SYNE1: variants seen among roughly 807,000 people sequenced by gnomAD.
The protein encoded by SYNE1 is spectrin repeat containing nuclear envelope protein 1.
Under a neutral mutation model 1,111.0 loss-of-function variants are expected in SYNE1, and 616 were observed. The observed-to-expected ratio is 0.55, with a 90% CI of 0.52 to 0.59. The LOEUF (loss-of-function observed/expected upper bound fraction) is 0.59. SYNE1 is among the 20% of genes least tolerant of loss of function. The pLI is 0.00. For missense variants in SYNE1, 10,006 were observed against 10,417.0 expected (o/e 0.96, Z 1.72); for synonymous variants, 3,855 against 3,825.8 (o/e 1.01, Z -0.28).
chr6:152,480,990 A>C (rs1156543369), intron 14 of SYNE1, among the ~76,000 whole-genome samples: 19 of 152,114 alleles, frequency 1.2e-4, no homozygotes, highest in Admixed American at 1.2e-3. Flanking sequence ...AGGGAGCTAG[A>C]AGGGCTCATG....
intron 121 of SYNE1, 38 bp downstream of exon 121, chr6:152,218,219 T>C (rs766105765): frequency 3.1e-6 from 5 of 1,612,112 alleles, no homozygotes; most frequent in Non-Finnish European, 4.2e-6. Context: ...TGAAGACAGA[T>C]GGTAAAAGAT....
Position 152,354,961 on chromosome 6 carries a change from A to G in SYNE1, c.10624T>C (p.Cys3542Arg), listed in dbSNP as rs751032216. ...LRDLQELQVH[C>R]AEGQALLNSV... ...TTCAACAGGGCCTGCCCCTCTGCAC[A>G]GTGTACCTGTAGCTCCTGCAGAGAA... Residue 3542 changes from cysteine (C) to arginine (R), a missense_variant, in exon 67 of 146, where the codon TGT (cysteine) becomes CGT (arginine). By Grantham distance (180) the Cys-to-Arg change is radical. Transcript: ENST00000367255. 15 of 1,614,036 alleles carry G rather than the reference A, an allele frequency of 9.3e-6. No homozygotes were observed. In the South Asian group the frequency reaches 1.1e-4, roughly 12 times the overall value.
intron 22 of SYNE1, among the ~76,000 whole-genome samples, chr6:152,458,185 C>A (rs214964): frequency 0.52 from 79,602 of 151,924 alleles, 22,741 homozygotes; most frequent in East Asian, 0.76. Context: ...GGCAGGAACT[C>A]TAAGAAAAGT....
rs955683977 is a variant in SYNE1 at position 152,637,259 on chromosome 6, G to A, written c.-462C>T. ...CTGTGCTGTGACCCACCCGCTCAGCGAGCCTTTATACCGGGACCACCTCCC... is the reference window on the plus strand; with the variant it reads ...CTGTGCTGTGACCCACCCGCTCAGCAAGCCTTTATACCGGGACCACCTCCC... On this transcript the variant is annotated 5_prime_UTR_variant, in exon 1 of 146. Coordinates refer to ENST00000367255, the MANE Select transcript of SYNE1 (RefSeq NM_182961.4). The A allele has an allele frequency of 7.2e-5, 11 of 152,258 alleles. No individual in the cohort carries two copies. The highest frequency in any genetic ancestry group is 2.7e-4 in the African/African-American group (11 of 41,462). The allele number at this position is 152,258 out of a possible 1,614,324, so 9.4% of individuals were successfully genotyped here. A position where few individuals can be genotyped will look rare whatever the true frequency, so the allele number is the denominator to read the frequency against.
In SYNE1 at chr6:152,177,852, G is replaced by A. The variant is rs6930295; in HGVS notation, c.23461-1292C>T. On this transcript the variant is annotated intron_variant, in intron 129 of 145. Transcript: ENST00000367255. ...GTCTTTAAAATCAAACTGTTTTTGA[G>A]TGTTAATACCAACAGACACTAATAT... Among the ~76,000 whole-genome samples, 992 of 152,192 alleles carry A rather than the reference G, an allele frequency of 6.5e-3. 13 individuals are homozygous for A. The highest frequency in any genetic ancestry group is 0.022 in the African/African-American group (923 of 41,526).
At chr6:152,425,087 A>G (rs536419920) in intron 39 of SYNE1, among the ~76,000 whole-genome samples, 1 of 152,320 alleles carries the variant, frequency 6.6e-6, no homozygotes, top group East Asian at 1.9e-4. Context: ...TTCCTATACA[A>G]AAACAGCTTA....
At chr6:152,419,760 A>G (rs1330599529) in intron 39 of SYNE1, 38 bp from the exon 40 acceptor site, 11 of 1,607,870 alleles carry the variant, frequency 6.8e-6, no homozygotes, top group Non-Finnish European at 9.4e-6. Flanking sequence ...ATGTCCCATA[A>G]GTAAACAGAA....
At chr6:152,187,879 C>T (rs1278767864) in intron 128 of SYNE1, among the ~76,000 whole-genome samples, 2 of 152,104 alleles carry the variant, frequency 1.3e-5, no homozygotes, top group African/African-American at 2.4e-5. Context: ...GCACCCGCCA[C>T]CATCCGCGGC....
At chr6:152,188,964 A>G (rs2071140861) in intron 128 of SYNE1, among the ~76,000 whole-genome samples, 1 of 53,576 alleles carries the variant, frequency 1.9e-5, no homozygotes, top group African/African-American at 1.0e-4. Context: ...TCTCAAAAAA[A>G]AAAAAAAAAA....
chr6:152,547,378 A>G (rs1044688801), intron 3 of SYNE1, among the ~76,000 whole-genome samples: 2 of 152,240 alleles, frequency 1.3e-5, no homozygotes, highest in African/African-American at 4.8e-5. Context: ...GGGAACCGCC[A>G]TTGGAAATTG....
rs753451763 is a variant in SYNE1 at position 152,321,401 on chromosome 6, G to T, written c.16084-11C>A. The T allele has an allele frequency of 1.2e-6, 2 of 1,613,192 alleles. No homozygotes were observed. The highest frequency in any genetic ancestry group is 2.2e-5 in the South Asian group (2 of 91,026). ...TTCTGTTAGGAGAATCTGAAGAAAAGATCAAAATAAGAAATTTCTGGGAAC... is the reference window on the plus strand; with the variant it reads ...TTCTGTTAGGAGAATCTGAAGAAAATATCAAAATAAGAAATTTCTGGGAAC... On this transcript the variant is annotated splice_polypyrimidine_tract_variant and intron_variant, in intron 83 of 145. Transcript: ENST00000367255.
chr6:152,259,908 A>C (rs1244640438), intron 101 of SYNE1, among the ~76,000 whole-genome samples: 1 of 152,200 alleles, frequency 6.6e-6, no homozygotes, highest in Non-Finnish European at 1.5e-5. Flanking sequence ...TTCTAATCCA[A>C]AGGCAAGGGA....
chr6:152,184,056 T>C (rs980975448), intron 128 of SYNE1, among the ~76,000 whole-genome samples: 42 of 152,242 alleles, frequency 2.8e-4, no homozygotes, highest in Middle Eastern at 3.2e-3. Context: ...AAATGTTTAT[T>C]GTCTGTAGTA....
At chr6:152,545,688 A>T (rs1253817512) in intron 3 of SYNE1, among the ~76,000 whole-genome samples, 1 of 152,176 alleles carries the variant, frequency 6.6e-6, no homozygotes, top group Non-Finnish European at 1.5e-5. Context: ...CATAAATAGT[A>T]CCATGCATTG....
At chr6:152,234,878 C>T in intron 110 of SYNE1, 78 bp from the exon 111 acceptor site, 1 of 1,523,296 alleles carries the variant, frequency 6.6e-7, no homozygotes, top group South Asian at 1.1e-5. Flanking sequence ...TCACCAATGC[C>T]AACAGTTTTA....
At chr6:152,606,058 T>C (rs1307577054) in intron 3 of SYNE1, among the ~76,000 whole-genome samples, 1 of 152,110 alleles carries the variant, frequency 6.6e-6, no homozygotes, top group Admixed American at 6.5e-5. Context: ...AAATCTGTGG[T>C]TTAAATACCC....
rs2092989927 is a variant in SYNE1, at chr6:152,269,150, T to C, written c.18705+5A>G. 1 of 1,614,068 alleles carries C rather than the reference T, an allele frequency of 6.2e-7. No homozygotes were observed. The highest frequency in any genetic ancestry group is 8.5e-7 in the Non-Finnish European group (1 of 1,180,036). On this transcript the variant is annotated splice_donor_5th_base_variant and intron_variant, in intron 99 of 145. Transcript: ENST00000367255. ...CAAGCTAGAGAGAGGTAGGAAACAC[T>C]TTACTTTTTGTTGCTGGAGACTGCT...
At chr6:152,455,619 T>C (rs1239963838) in intron 23 of SYNE1, 29 bp from the exon 24 acceptor site, 16 of 1,613,308 alleles carry the variant, frequency 9.9e-6, no homozygotes, top group Admixed American at 1.7e-5. Flanking sequence ...CATAATGTGA[T>C]GCTGCTTTCT....
At chr6:152,481,004 G>C (rs1438849592) in intron 14 of SYNE1, among the ~76,000 whole-genome samples, 1 of 151,966 alleles carries the variant, frequency 6.6e-6, no homozygotes, top group Non-Finnish European at 1.5e-5. Flanking sequence ...GCTCATGAAG[G>C]GCCTGAAATC....
Sources: gnomAD v4.1 joint callset for allele counts (sites outside exome capture counted in the v4.1 genomes callset) on GRCh38, gnomAD v4.1.1 for gene constraint, MANE v1.5 for transcripts, NCBI Gene and HGNC (gene_info 2026-07-23, HGNC 2026-07-21) for gene names.